The following PGBD5 variants were observed in gnomAD, a reference collection of about 807,000 sequenced individuals.
PGBD5 encodes piggyBac transposable element-derived protein 5.
PGBD5 carries 14 observed loss-of-function variants against 47.9 expected under a neutral mutation model. That is an observed-to-expected ratio of 0.29 (90% CI 0.19 to 0.46). PGBD5 has a LOEUF of 0.46. Ranked by LOEUF, PGBD5 falls within the 20% of genes least tolerant of loss-of-function variation. The pLI, the probability that PGBD5 is intolerant of heterozygous loss-of-function variation, is 1.00. For missense variants in PGBD5, 635 were observed against 716.0 expected, an observed-to-expected ratio of 0.89 and a Z score of 1.29; for synonymous variants, 316 against 306.3, an observed-to-expected ratio of 1.03 and a Z score of -0.33.
chr1:230,377,704 T>A, intron 1 of PGBD5: 1 of 1,441,986 alleles, frequency 6.9e-7, no homozygotes, highest in Non-Finnish European at 9.1e-7. Context: ...ATGGCAAAGA[T>A]TAGAGTATCC....
At chr1:230,410,217 G>A (rs897036663) in intron 1 of PGBD5, among the ~76,000 whole-genome samples, 10 of 152,130 alleles carry the variant, frequency 6.6e-5, no homozygotes, top group African/African-American at 2.4e-4. Flanking sequence ...AATATAAAAG[G>A]TAGACGTATG....
chr1:230,325,755 A>C (rs963522035), intron 5 of PGBD5, among the ~76,000 whole-genome samples: 17 of 152,056 alleles, frequency 1.1e-4, no homozygotes, highest in African/African-American at 4.1e-4. Context: ...TGAAAGAGTG[A>C]AAGCGGAGAC....
At chr1:230,347,387 C>G (rs1044417970) in intron 3 of PGBD5, among the ~76,000 whole-genome samples, 2 of 151,986 alleles carry the variant, frequency 1.3e-5, no homozygotes, top group African/African-American at 4.8e-5. Context: ...GCTGGGCGCC[C>G]AGGGACAAGC....
intron 1 of PGBD5, among the ~76,000 whole-genome samples, chr1:230,365,341 C>T (rs1667810795): frequency 6.6e-6 from 1 of 151,284 alleles, no homozygotes; most frequent in African/African-American, 2.4e-5. Flanking sequence ...AATCAATTGG[C>T]TAATATAGAT....
At chr1:230,325,197 C>T (rs1667096256) in intron 6 of PGBD5, 113 bp downstream of exon 6, 1 of 817,198 alleles carries the variant, frequency 1.2e-6, no homozygotes, top group Non-Finnish European at 2.0e-6. Flanking sequence ...CTCCCAGGGT[C>T]TTCATCCTGC....
At chr1:230,342,936 C>T (rs564617196) in intron 3 of PGBD5, among the ~76,000 whole-genome samples, 1 of 152,180 alleles carries the variant, frequency 6.6e-6, no homozygotes, top group Non-Finnish European at 1.5e-5. Context: ...TCAACAGTCA[C>T]ATGAGGCTAG....
intron 1 of PGBD5, among the ~76,000 whole-genome samples, chr1:230,381,054 A>T (rs2102725707): frequency 6.6e-6 from 1 of 152,348 alleles, no homozygotes; most frequent in African/African-American, 2.4e-5. Context: ...CAGTGCTTAC[A>T]GTTTATAAAC....
At chr1:230,345,634 G>A (rs946219018) in intron 3 of PGBD5, among the ~76,000 whole-genome samples, 3 of 152,198 alleles carry the variant, frequency 2.0e-5, no homozygotes, top group Admixed American at 6.5e-5. Context: ...AAAGCAACAG[G>A]CATTCAGTAG....
chr1:230,373,556 G>A (rs1362554027), intron 1 of PGBD5, among the ~76,000 whole-genome samples: 1 of 152,188 alleles, frequency 6.6e-6, no homozygotes, highest in Non-Finnish European at 1.5e-5. Flanking sequence ...CCAGCTCCCA[G>A]TGTTATTCAG....
At chr1:230,405,879 T>G (rs973358303) in intron 1 of PGBD5, among the ~76,000 whole-genome samples, 3 of 151,914 alleles carry the variant, frequency 2.0e-5, no homozygotes, top group Non-Finnish European at 4.4e-5. Flanking sequence ...CCATCATGTC[T>G]AAGCAGAATG....
In PGBD5 at chr1:230,322,705, G is replaced by A; in HGVS notation, c.*720C>T. ...ATCTGCCTTTTACATTAGATCTGAA[G>A]CAACAGTAAGAAAATAACCTGAAGA... On this transcript the variant is annotated 3_prime_UTR_variant, in exon 7 of 7. Transcript: ENST00000391860. This position sits in a 1 kb window ranked among gnomAD's most constrained non-coding sequence, Gnocchi z 5.9. 1 of 152,946 alleles carries A rather than the reference G, an allele frequency of 6.5e-6. No homozygotes were observed. Among genetic ancestry groups the A allele is most frequent in the East Asian group, 1.9e-4 (1 of 5,190 alleles). 9.5% of individuals were successfully genotyped at this position (152,946 alleles called of 1,614,324 possible). A position where few individuals can be genotyped will look rare whatever the true frequency, so the allele number is the denominator to read the frequency against.
At chr1:230,356,208 A>G (rs142403728) in intron 2 of PGBD5, among the ~76,000 whole-genome samples, 1 of 152,328 alleles carries the variant, frequency 6.6e-6, no homozygotes, top group African/African-American at 2.4e-5. Flanking sequence ...GGTTTGCTAG[A>G]CCAGCCGGGC....
intron 3 of PGBD5, among the ~76,000 whole-genome samples, chr1:230,342,672 G>A (rs1354529374): frequency 6.6e-6 from 1 of 152,204 alleles, no homozygotes; most frequent in Non-Finnish European, 1.5e-5. Context: ...TTGTGGGTTT[G>A]GGGGCAAGTT....
rs571615903 is a variant in PGBD5, at chr1:230,326,005, G to A, written c.1274-590C>T. Among the ~76,000 whole-genome samples the A allele has an allele frequency of 6.4e-4, 98 of 152,268 alleles. 1 individual carries two copies. In the South Asian group the frequency reaches 0.019, roughly 29 times the overall value. On this transcript the variant is annotated intron_variant, in intron 5 of 6. Coordinates refer to ENST00000391860, the MANE Select transcript of PGBD5 (RefSeq NM_001258311.2). Reference sequence around the variant, plus strand: ...TTTTGCATCCTTTAATAAATCCCCCGATAAGTGTGTGAGATGATGGATATG... The same window carrying A: ...TTTTGCATCCTTTAATAAATCCCCCAATAAGTGTGTGAGATGATGGATATG...
chr1:230,412,491 C>T (rs541156941), intron 1 of PGBD5, among the ~76,000 whole-genome samples: 1 of 151,278 alleles, frequency 6.6e-6, no homozygotes, highest in Non-Finnish European at 1.5e-5. Context: ...TGGGTTCACA[C>T]CATTCTCCTG....
chr1:230,335,734 GACTT>G (rs1667304453), intron 4 of PGBD5, among the ~76,000 whole-genome samples: 1 of 154 alleles, frequency 6.5e-3, no homozygotes, highest in Non-Finnish European at 0.014. Flanking sequence ...GACACACACA[GACTT>G]ACACAAAGAC....
chr1:230,406,835 G>T (rs1207357213), intron 1 of PGBD5, among the ~76,000 whole-genome samples: 9 of 152,164 alleles, frequency 5.9e-5, no homozygotes, highest in Admixed American at 5.9e-4. Flanking sequence ...AATCAAGTTT[G>T]ACAACATCAC....
At chr1:230,347,002 A>C (rs144574369) in intron 3 of PGBD5, among the ~76,000 whole-genome samples, 33 of 152,278 alleles carry the variant, frequency 2.2e-4, no homozygotes, top group African/African-American at 7.2e-4. Context: ...AACTTCTTGA[A>C]AACAGGGACC....
Position 230,315,652 on chromosome 1 carries a change from T to C in PGBD5, c.*7773A>G, listed in dbSNP as rs1289843820. The C allele has an allele frequency of 6.6e-6, 1 of 151,754 alleles. No individual in the cohort carries two copies. The highest frequency in any genetic ancestry group is 2.4e-5 in the African/African-American group (1 of 41,284). The allele number at this position is 151,754 out of a possible 1,614,324, so 9.4% of individuals were successfully genotyped here. A position where few individuals can be genotyped will look rare whatever the true frequency, so the allele number is the denominator to read the frequency against. ...GACCTAGCAGAGGCTCATCATGTGGTAGACTCTGTATTTTATCGTGTGTGT... is the reference window on the plus strand; with the variant it reads ...GACCTAGCAGAGGCTCATCATGTGGCAGACTCTGTATTTTATCGTGTGTGT... On this transcript the variant is annotated 3_prime_UTR_variant, in exon 7 of 7. Coordinates refer to ENST00000391860, the MANE Select transcript of PGBD5 (RefSeq NM_001258311.2).
Sources: allele counts gnomAD v4.1 joint callset (sites outside exome capture counted in the v4.1 genomes callset), GRCh38; gene constraint gnomAD v4.1.1; non-coding constraint Gnocchi (gnomAD v3.1); transcripts MANE v1.5; gene names NCBI Gene and HGNC (gene_info 2026-07-23, HGNC 2026-07-21).